CFAP20DC: variants seen among roughly 807,000 people sequenced by gnomAD.
CFAP20DC encodes protein CFAP20DC.
Under a neutral mutation model 101.7 loss-of-function variants are expected in CFAP20DC, and 84 were observed. That is an observed-to-expected ratio of 0.83 (90% CI 0.69 to 0.99). The LOEUF is 0.99. CFAP20DC is among the 50% of genes least tolerant of loss of function. CFAP20DC has a pLI of 0.00. For synonymous variants in CFAP20DC, 359 were observed against 351.2 expected (o/e 1.02, Z -0.25); for missense variants, 1,007 against 970.3 (o/e 1.04, Z -0.50).
At chr3:58,817,312 G>C (rs898459944) in intron 14 of CFAP20DC, among the ~76,000 whole-genome samples, 6 of 152,208 alleles carry the variant, frequency 3.9e-5, no homozygotes, top group African/African-American at 1.4e-4. Context: ...TGAGCTGAGA[G>C]AAGAAAGCTT....
chr3:58,812,035 C>T (rs1266527024), intron 14 of CFAP20DC, among the ~76,000 whole-genome samples: 1 of 152,068 alleles, frequency 6.6e-6, no homozygotes, highest in Non-Finnish European at 1.5e-5. Context: ...GAATGGCAAT[C>T]ATTAAAAAGT....
intron 15 of CFAP20DC, among the ~76,000 whole-genome samples, chr3:58,754,503 A>G (rs925206232): frequency 5.3e-5 from 8 of 152,148 alleles, no homozygotes; most frequent in Admixed American, 2.6e-4. Context: ...GAGTCACTGC[A>G]TATTCTACTT....
chr3:58,827,707 T>G lies in CFAP20DC; in HGVS notation c.2175+3979A>C, dbSNP rs562401302. On this transcript the variant is annotated intron_variant, in intron 14 of 16. Coordinates refer to ENST00000482387, the MANE Select transcript of CFAP20DC (RefSeq NM_001394063.1). ...AATCACTCCCTCTCACGTGTTCCCA[T>G]AACTCGTTATTCTATCACTTGCCAC... 7.2e-5 allele frequency among the ~76,000 whole-genome samples: 11 copies of G among 152,314 alleles called. 1 individual carries two copies. In the South Asian group the frequency reaches 2.3e-3, roughly 32 times the overall value.
chr3:58,769,992 A>T (rs1224912533), intron 15 of CFAP20DC, among the ~76,000 whole-genome samples: 2 of 152,164 alleles, frequency 1.3e-5, no homozygotes, highest in African/African-American at 4.8e-5. Context: ...AACCACAAGC[A>T]CCATCTTCTC....
chr3:58,946,557 G>C (rs2089394977), intron 4 of CFAP20DC, among the ~76,000 whole-genome samples: 1 of 152,060 alleles, frequency 6.6e-6, no homozygotes, highest in African/African-American at 2.4e-5. Context: ...GTTATTCAGG[G>C]ACCTCCAAAT....
chr3:58,805,724 T>C (rs962973879), intron 15 of CFAP20DC, among the ~76,000 whole-genome samples: 1 of 152,218 alleles, frequency 6.6e-6, no homozygotes, highest in Admixed American at 6.5e-5. Flanking sequence ...AACTAGCTTA[T>C]ATACTTATTT....
chr3:58,856,909 T>G (rs2078881752), intron 12 of CFAP20DC, among the ~76,000 whole-genome samples: 1 of 152,182 alleles, frequency 6.6e-6, no homozygotes, highest in South Asian at 2.1e-4. Context: ...GGCAGTGGGA[T>G]TTCTGTGATC....
chr3:58,760,062 T>A (rs2069395740), intron 15 of CFAP20DC, among the ~76,000 whole-genome samples: 2 of 152,202 alleles, frequency 1.3e-5, no homozygotes, highest in Admixed American at 1.3e-4. Flanking sequence ...TTCTTTCCAA[T>A]TCTGTGAAGA....
intron 7 of CFAP20DC, among the ~76,000 whole-genome samples, chr3:58,871,757 A>T (rs967706332): frequency 1.3e-5 from 2 of 151,998 alleles, no homozygotes; most frequent in Non-Finnish European, 2.9e-5. Flanking sequence ...CGAACTCCTG[A>T]CCTCAAGTGA....
rs1003368439 is a variant in CFAP20DC at position 59,001,630 on chromosome 3, C to T, written c.278+37927G>A. The stretch of plus-strand genomic sequence containing the variant: ...TTCTCCATGTTGGTCAGGTTGGTCT[C>T]GAACTCCCGACCTCAGGTGATCCAC... On this transcript the variant is annotated intron_variant, in intron 4 of 16. Transcript: ENST00000482387. The surrounding 1 kb of genome is among the most constrained non-coding windows in gnomAD (Gnocchi z 4.5). Among the ~76,000 whole-genome samples, 2 of 152,162 alleles carry T rather than the reference C, an allele frequency of 1.3e-5. No homozygotes were observed. The highest frequency in any genetic ancestry group is 2.9e-5 in the Non-Finnish European group (2 of 68,034).
At chr3:59,029,912 G>A (rs1307951853) in intron 4 of CFAP20DC, among the ~76,000 whole-genome samples, 1 of 152,064 alleles carries the variant, frequency 6.6e-6, no homozygotes, top group Non-Finnish European at 1.5e-5. Flanking sequence ...ATTACCTATC[G>A]ACTGAATGAA....
rs1275079758 is a variant in CFAP20DC, at chr3:58,971,857, G to GCA, written c.279-34097_279-34096dup. On this transcript the variant is annotated intron_variant, in intron 4 of 16. Transcript: ENST00000482387. This position sits in a 1 kb window ranked among gnomAD's most constrained non-coding sequence, Gnocchi z 4.1. ...AAAAGGACTGTAATATCATACACACGCACACATACACACACACACACACAC... is the reference window on the plus strand; with the variant it reads ...AAAAGGACTGTAATATCATACACACGCACACACATACACACACACACACACAC... Among the ~76,000 whole-genome samples the GCA allele has an allele frequency of 7.2e-6, 1 of 138,266 alleles. No individual in the cohort carries two copies. The highest frequency in any genetic ancestry group is 1.5e-5 in the Non-Finnish European group (1 of 65,446). 90.7% of individuals were successfully genotyped at this position (138,266 alleles called of 152,430 possible).
At chr3:58,720,850 A>G (rs148335150) in intron 3 of CFAP20DC, among the ~76,000 whole-genome samples, 96 of 152,358 alleles carry the variant, frequency 6.3e-4, no homozygotes, top group African/African-American at 2.2e-3. Context: ...GCTTATATTG[A>G]TTTATCCCAT....
chr3:58,943,822 C>T (rs2088970025), intron 4 of CFAP20DC, among the ~76,000 whole-genome samples: 1 of 151,934 alleles, frequency 6.6e-6, no homozygotes, highest in Non-Finnish European at 1.5e-5. Context: ...AGCTAAGAAC[C>T]TTAAAAATAG....
chr3:58,734,622 T>C (rs896180921), intron 3 of CFAP20DC: 9 of 455,866 alleles, frequency 2.0e-5, no homozygotes, highest in South Asian at 9.3e-5. Context: ...ATCCCATTTC[T>C]GCTCTGCAAA....
intron 6 of CFAP20DC, among the ~76,000 whole-genome samples, chr3:58,902,745 A>G (rs147507613): frequency 2.8e-4 from 43 of 152,268 alleles, no homozygotes; most frequent in African/African-American, 1.0e-3. Context: ...TCCCTTATGT[A>G]AAACAGCACA....
chr3:58,767,060 C>A (rs535549488), intron 15 of CFAP20DC, among the ~76,000 whole-genome samples: 1 of 152,340 alleles, frequency 6.6e-6, no homozygotes. Flanking sequence ...CCCCATTAGA[C>A]TCTAGCTCCT....
chr3:58,842,998 C>A (rs1193593036), intron 13 of CFAP20DC, among the ~76,000 whole-genome samples: 1 of 152,248 alleles, frequency 6.6e-6, no homozygotes, highest in Non-Finnish European at 1.5e-5. Context: ...ACATCCACAC[C>A]GAAAACCCAT....
In CFAP20DC at chr3:58,863,338, A is replaced by G. The variant is rs934035413; in HGVS notation, c.1593+220T>C. On this transcript the variant is annotated intron_variant, in intron 12 of 16. Transcript: ENST00000482387. The surrounding 1 kb of genome is among the most constrained non-coding windows in gnomAD (Gnocchi z 5.9). ...AGAAAGAAACCCAAAACTGGTTTCT[A>G]TAAGTAAAAGTGAAATTGGCTGACT... The G allele has an allele frequency of 4.9e-6, 7 of 1,415,608 alleles. No individual in the cohort carries two copies. Among genetic ancestry groups the G allele is most frequent in the Middle Eastern group, 2.5e-4 (1 of 4,004 alleles). The allele number at this position is 1,415,608 out of a possible 1,614,324, so 87.7% of individuals were successfully genotyped here. A position where few individuals can be genotyped will look rare whatever the true frequency, so the allele number is the denominator to read the frequency against.
Sources: gnomAD v4.1 joint callset for allele counts (sites outside exome capture counted in the v4.1 genomes callset) on GRCh38, gnomAD v4.1.1 for gene constraint, Gnocchi (gnomAD v3.1) non-coding constraint, MANE v1.5 for transcripts, NCBI Gene and HGNC (gene_info 2026-07-23, HGNC 2026-07-21) for gene names.